SAMD4A: variants seen among roughly 807,000 people sequenced by gnomAD.
SAMD4A encodes sterile alpha motif domain containing 4A.
In SAMD4A, 33 loss-of-function variants were observed where a neutral mutation model predicts 81.3. The observed-to-expected ratio is 0.41, with a 90% CI of 0.31 to 0.54. SAMD4A has a LOEUF of 0.54. Among genes scored for constraint, SAMD4A ranks in the 20% least tolerant of loss-of-function variants. The probability of loss-of-function intolerance (pLI) is 0.37; values close to 1 mark genes in which losing one functional copy is unlikely to be tolerated. For missense variants in SAMD4A, 854 were observed against 951.1 expected, an observed-to-expected ratio of 0.90 and a Z score of 1.34; for synonymous variants, 389 against 382.1, an observed-to-expected ratio of 1.02 and a Z score of -0.21.
At chr14:54,708,977 G>C (rs2036922668) in intron 3 of SAMD4A, among the ~76,000 whole-genome samples, 1 of 152,118 alleles carries the variant, frequency 6.6e-6, no homozygotes. Context: ...TGTTTAGAAG[G>C]CATTAAAAAT....
chr14:54,761,911 A>G (rs1456547743), intron 7 of SAMD4A, among the ~76,000 whole-genome samples: 2 of 151,980 alleles, frequency 1.3e-5, no homozygotes, highest in Admixed American at 6.6e-5. Flanking sequence ...TGTTTGCTTG[A>G]CTGTATCTTC....
intron 2 of SAMD4A, among the ~76,000 whole-genome samples, chr14:54,586,133 G>A (rs1243707293): frequency 1.3e-5 from 2 of 152,098 alleles, no homozygotes; most frequent in Non-Finnish European, 2.9e-5. Context: ...ATTCTTGCAG[G>A]AGTGAGATGG....
chr14:54,705,966 A>G (rs1268371642), intron 3 of SAMD4A, among the ~76,000 whole-genome samples: 4 of 152,240 alleles, frequency 2.6e-5, no homozygotes, highest in Non-Finnish European at 5.9e-5. Context: ...CACAAGGCAT[A>G]TAGGATGAAG....
At chr14:54,750,222 A>G (rs1369846400) in intron 5 of SAMD4A, among the ~76,000 whole-genome samples, 1 of 152,248 alleles carries the variant, frequency 6.6e-6, no homozygotes, top group Non-Finnish European at 1.5e-5. Flanking sequence ...ACCTTTTCAG[A>G]GTAATTTAAT....
At chr14:54,578,346 G>A (rs1460326987) in intron 2 of SAMD4A, among the ~76,000 whole-genome samples, 4 of 152,050 alleles carry the variant, frequency 2.6e-5, no homozygotes, top group African/African-American at 9.7e-5. Flanking sequence ...ACTATTGAGA[G>A]CAGAGGAGAA....
chr14:54,685,915 A>G (rs564655778), intron 2 of SAMD4A: 17 of 455,022 alleles, frequency 3.7e-5, no homozygotes, highest in Non-Finnish European at 7.1e-5. Flanking sequence ...TAAATTATCT[A>G]CCAGTCAGGA....
At chr14:54,783,866 A>G (rs2039066092) in intron 11 of SAMD4A, among the ~76,000 whole-genome samples, 1 of 152,198 alleles carries the variant, frequency 6.6e-6, no homozygotes, top group Non-Finnish European at 1.5e-5. Flanking sequence ...GCCCTGCTCT[A>G]GGCACAGGGG....
chr14:54,686,780 TGAG>T (rs1160361492), intron 2 of SAMD4A, among the ~76,000 whole-genome samples: 2 of 152,194 alleles, frequency 1.3e-5, no homozygotes, highest in Non-Finnish European at 2.9e-5. Flanking sequence ...GCCAGTCACA[TGAG>T]GAGGCAGCAG....
At chr14:54,669,366 C>T (rs1197363611) in intron 2 of SAMD4A, among the ~76,000 whole-genome samples, 4 of 151,600 alleles carry the variant, frequency 2.6e-5, no homozygotes, top group Admixed American at 1.3e-4. Flanking sequence ...AAATGTGTAC[C>T]GAATGTGTCA....
At chr14:54,705,569 A>AGTTTTT (rs10590246) in intron 3 of SAMD4A, among the ~76,000 whole-genome samples, 83 of 151,410 alleles carry the variant, frequency 5.5e-4, no homozygotes, top group African/African-American at 1.9e-3. Flanking sequence ...CCACCTCCTT[A>AGTTTTT]GTTTTTGTTT....
chr14:54,579,411 A>G (rs1159640159), intron 2 of SAMD4A, among the ~76,000 whole-genome samples: 1 of 152,238 alleles, frequency 6.6e-6, no homozygotes, highest in Non-Finnish European at 1.5e-5. Context: ...TCTGATCCCA[A>G]AACCTATGTT....
intron 11 of SAMD4A, among the ~76,000 whole-genome samples, chr14:54,777,374 A>AGCTTC (rs1189521672): frequency 6.6e-6 from 1 of 152,208 alleles, no homozygotes; most frequent in Admixed American, 6.5e-5. Flanking sequence ...GTTGGAGCTG[A>AGCTTC]GCTTCAGGGC....
chr14:54,677,423 A>T (rs1030582823), intron 2 of SAMD4A, among the ~76,000 whole-genome samples: 1 of 152,228 alleles, frequency 6.6e-6, no homozygotes, highest in Admixed American at 6.5e-5. Context: ...AATGTGGTTT[A>T]TTCCTGAAAC....
At chr14:54,749,834 G>A (rs2038057137) in intron 5 of SAMD4A, among the ~76,000 whole-genome samples, 1 of 152,232 alleles carries the variant, frequency 6.6e-6, no homozygotes, top group African/African-American at 2.4e-5. Flanking sequence ...TTCCTTTGCA[G>A]GAAAAGGAGA....
chr14:54,596,104 G>A (rs868801690), intron 2 of SAMD4A, among the ~76,000 whole-genome samples: 6 of 152,258 alleles, frequency 3.9e-5, no homozygotes, highest in African/African-American at 7.2e-5. Context: ...GGTATGTGGC[G>A]TGGGAAGAGT....
chr14:54,581,407 T>G (rs2033461609), intron 2 of SAMD4A, among the ~76,000 whole-genome samples: 1 of 152,268 alleles, frequency 6.6e-6, no homozygotes, highest in African/African-American at 2.4e-5. Context: ...CAGGCCCCTC[T>G]GGGCCTGAAC....
intron 2 of SAMD4A, chr14:54,688,418 G>A: frequency 1.1e-6 from 1 of 950,816 alleles, no homozygotes; most frequent in Non-Finnish European, 1.3e-6. Flanking sequence ...GAGGGTGTGA[G>A]CCTGTGGTAA....
chr14:54,751,351 G>C (rs1453831479), intron 5 of SAMD4A, 100 bp from the exon 6 acceptor site: 4 of 734,712 alleles, frequency 5.4e-6, no homozygotes, highest in Non-Finnish European at 9.2e-6. Context: ...GAACATATAG[G>C]AGCAAAGAAG....
At chr14:54,577,796 G>A (rs1444101051) in intron 2 of SAMD4A, among the ~76,000 whole-genome samples, 1 of 152,160 alleles carries the variant, frequency 6.6e-6, no homozygotes, top group Admixed American at 6.5e-5. Context: ...GGGGGCACTC[G>A]AAAGCCAGGG....
Sources: gnomAD v4.1 joint callset for allele counts (sites outside exome capture counted in the v4.1 genomes callset) on GRCh38, gnomAD v4.1.1 for gene constraint, MANE v1.5 for transcripts, NCBI Gene and HGNC (gene_info 2026-07-23, HGNC 2026-07-21) for gene names.